Variants in ACTR3C observed in about 807,000 individuals in gnomAD.
The protein encoded by ACTR3C is actin related protein 3C, also known as actin-related protein 3C.
A neutral mutation model predicts 26.3 loss-of-function variants in ACTR3C; 18 were observed. That is an observed-to-expected ratio of 0.68 (90% CI 0.47 to 1.01). The LOEUF is 1.01. Among genes scored for constraint, ACTR3C ranks in the 50% least tolerant of loss-of-function variants. ACTR3C has a pLI of 0.00. For synonymous variants in ACTR3C, 55 were observed against 94.5 expected, an observed-to-expected ratio of 0.58 and a Z score of 2.42; for missense variants, 184 against 250.7, an observed-to-expected ratio of 0.73 and a Z score of 1.80.
chr7:150,097,007 C>T, the ACTR3C span, among the ~76,000 whole-genome samples: 3 of 152,328 alleles, frequency 2.0e-5, 1 homozygote, highest in South Asian at 4.1e-4. Flanking sequence ...CACAGTGAGG[C>T]ACACCCCAGA....
chr7:149,897,083 CAA>C, the ACTR3C span, among the ~76,000 whole-genome samples: 14 of 127,498 alleles, frequency 1.1e-4, no homozygotes, highest in African/African-American at 3.6e-4. Flanking sequence ...AAAAAAAAAA[CAA>C]GAGCTACTAA....
At chr7:150,197,294 T>C in the ACTR3C span, among the ~76,000 whole-genome samples, 10 of 152,334 alleles carry the variant, frequency 6.6e-5, 1 homozygote, top group South Asian at 1.5e-3. Context: ...AGGGACTCCA[T>C]TGTCCCTCAC....
At chr7:149,987,843 C>T in the ACTR3C span, among the ~76,000 whole-genome samples, 1 of 152,116 alleles carries the variant, frequency 6.6e-6, no homozygotes, top group Admixed American at 6.5e-5. Context: ...ATCTGTTCAA[C>T]AAACCCCCAT....
chr7:150,097,177 A>G, the ACTR3C span, among the ~76,000 whole-genome samples: 1 of 151,842 alleles, frequency 6.6e-6, no homozygotes, highest in Non-Finnish European at 1.5e-5. Context: ...ACTAGCAAAG[A>G]CATCCCCAAA....
chr7:150,127,790 T>C, the ACTR3C span, among the ~76,000 whole-genome samples: 2 of 151,686 alleles, frequency 1.3e-5, no homozygotes, highest in Non-Finnish European at 2.9e-5. Context: ...AAACAATGCC[T>C]ATTTACACAA....
intron 1 of ACTR3C, among the ~76,000 whole-genome samples, chr7:150,313,231 C>A (rs1796484644): frequency 6.6e-6 from 1 of 152,192 alleles, no homozygotes; most frequent in Non-Finnish European, 1.5e-5. Flanking sequence ...GAATAAATAG[C>A]CTTACTGCTC....
At chr7:149,885,405 C>T in the ACTR3C span, among the ~76,000 whole-genome samples, 1 of 152,246 alleles carries the variant, frequency 6.6e-6, no homozygotes, top group Non-Finnish European at 1.5e-5. Context: ...AGAGCAGGCA[C>T]TGATCCCAGC....
the ACTR3C span, among the ~76,000 whole-genome samples, chr7:150,087,603 G>A: frequency 6.6e-6 from 1 of 152,174 alleles, no homozygotes. Context: ...TGGCCTTAAT[G>A]TGGGAGAAAC....
the ACTR3C span, among the ~76,000 whole-genome samples, chr7:150,204,964 T>A: frequency 3.3e-5 from 5 of 152,210 alleles, no homozygotes; most frequent in African/African-American, 1.2e-4. Flanking sequence ...CCTTCCCCAG[T>A]GCAGGTTTCC....
chr7:150,312,137 T>C (rs56019796), intron 1 of ACTR3C, among the ~76,000 whole-genome samples: 47,700 of 152,004 alleles, frequency 0.31, 7,876 homozygotes, highest in East Asian at 0.43. Context: ...CCTCCACACC[T>C]GCTAATATTC....
At chr7:150,182,147 T>C in the ACTR3C span, among the ~76,000 whole-genome samples, 1 of 150,400 alleles carries the variant, frequency 6.6e-6, no homozygotes, top group Non-Finnish European at 1.5e-5. Flanking sequence ...TTCCCAACCA[T>C]GCATCACCAA....
the ACTR3C span, among the ~76,000 whole-genome samples, chr7:149,996,069 G>C: frequency 1.3e-5 from 2 of 152,076 alleles, no homozygotes; most frequent in African/African-American, 2.4e-5. Context: ...CTGCTGGCGT[G>C]GGGAGGGAGG....
chr7:150,271,207 A>G (rs1834424120), intron 6 of ACTR3C, among the ~76,000 whole-genome samples: 1 of 133,812 alleles, frequency 7.5e-6, no homozygotes, highest in South Asian at 2.6e-4. Context: ...TTATTATTAT[A>G]CTTTAAGTTC....
the ACTR3C span, among the ~76,000 whole-genome samples, chr7:150,188,536 G>T: frequency 6.6e-6 from 1 of 151,510 alleles, no homozygotes; most frequent in Non-Finnish European, 1.5e-5. Context: ...CTGACAAACT[G>T]TTTTCCAAAG....
the ACTR3C span, among the ~76,000 whole-genome samples, chr7:150,215,213 A>G: frequency 1.3e-5 from 2 of 152,160 alleles, no homozygotes; most frequent in African/African-American, 2.4e-5. Flanking sequence ...AAAGTCAGCA[A>G]ACTCCTGTGG....
chr7:149,953,919 C>A, the ACTR3C span, among the ~76,000 whole-genome samples: 232 of 138,466 alleles, frequency 1.7e-3, 1 homozygote, highest in Non-Finnish European at 2.8e-3. Context: ...TGGAACAATC[C>A]GCTTTGGCAT....
At chr7:150,314,752 T>C (rs1302393383) in intron 1 of ACTR3C, among the ~76,000 whole-genome samples, 1 of 141,862 alleles carries the variant, frequency 7.0e-6, no homozygotes, top group Non-Finnish European at 1.5e-5. Context: ...CTGAGCAACA[T>C]GGCAAAATCC....
chr7:150,047,567 C>T, the ACTR3C span: 25 of 1,047,164 alleles, frequency 2.4e-5, no homozygotes, highest in East Asian at 1.3e-3. Flanking sequence ...GCGCTCAGCC[C>T]GGAGCCCCCG....
intron 6 of ACTR3C, among the ~76,000 whole-genome samples, chr7:150,258,042 A>G (rs1207783239): frequency 6.6e-6 from 1 of 152,218 alleles, no homozygotes; most frequent in East Asian, 1.9e-4. Context: ...ACTTGAGGAG[A>G]TGGTTAATAG....
Sources: gnomAD v4.1 joint callset for allele counts (sites outside exome capture counted in the v4.1 genomes callset) on GRCh38, gnomAD v4.1.1 for gene constraint, MANE v1.5 for transcripts, NCBI Gene and HGNC (gene_info 2026-07-23, HGNC 2026-07-21) for gene names.